Variants in IL1RAPL2 observed in about 807,000 individuals in gnomAD.
IL1RAPL2 encodes the protein X-linked interleukin-1 receptor accessory protein-like 2.
A neutral mutation model predicts 44.1 loss-of-function variants in IL1RAPL2; 3 were observed. The observed-to-expected ratio is 0.07, with a 90% CI of 0.03 to 0.18. IL1RAPL2 has a LOEUF of 0.18. Among genes scored for constraint, IL1RAPL2 ranks in the 10% least tolerant of loss-of-function variants. IL1RAPL2 has a pLI of 1.00. For synonymous variants in IL1RAPL2, 181 were observed against 178.8 expected (o/e 1.01, Z -0.10); for missense variants, 391 against 496.4 (o/e 0.79, Z 2.02).
At chrX:105,196,039 T>C (rs1017445026) in intron 3 of IL1RAPL2, among the ~76,000 whole-genome samples, 5 of 111,525 alleles carry the variant, frequency 4.5e-5, no homozygotes, top group African/African-American at 1.6e-4. Flanking sequence ...CCCAGCACTT[T>C]GGGAGGCTGA....
Position 104,667,595 on chromosome X carries a change from C to A in IL1RAPL2, c.82+8600C>A, listed in dbSNP as rs368847789. Among the ~76,000 whole-genome samples the A allele has an allele frequency of 2.7e-5, 3 of 111,476 alleles. No individual in the cohort carries two copies. The East Asian group carries it at 8.5e-4, about 32-fold the overall frequency. ...TTACATAGCTAGTAATTGGCAAAGC[C>A]AGGATTTAAACCCAGATTTGTCTGA... On this transcript the variant is annotated intron_variant, in intron 2 of 10. Coordinates refer to ENST00000372582, the MANE Select transcript of IL1RAPL2 (RefSeq NM_017416.2).
chrX:105,430,993 G>A (rs1002318627), intron 5 of IL1RAPL2, among the ~76,000 whole-genome samples: 1 of 111,905 alleles, frequency 8.9e-6, no homozygotes, highest in African/African-American at 3.2e-5. Context: ...GCATGCTACC[G>A]ACTCTGCAAA....
chrX:105,748,870 ATGTTAG>A, intron 8 of IL1RAPL2, 84 bp from the exon 9 acceptor site: 1 of 898,714 alleles, frequency 1.1e-6, no homozygotes, highest in Non-Finnish European at 1.5e-6. Flanking sequence ...GGAAAACAGA[ATGTTAG>A]TACATCTTAT....
At chrX:105,361,926 A>G (rs2035250922) in intron 5 of IL1RAPL2, among the ~76,000 whole-genome samples, 1 of 111,715 alleles carries the variant, frequency 9.0e-6, no homozygotes, top group South Asian at 3.7e-4. Context: ...ATATTCTGGA[A>G]TAGGATCTGT....
At chrX:105,287,334 C>G (rs2034579451) in intron 5 of IL1RAPL2, among the ~76,000 whole-genome samples, 1 of 111,106 alleles carries the variant, frequency 9.0e-6, no homozygotes, top group African/African-American at 3.3e-5. Flanking sequence ...TGGTGAATAC[C>G]AGGAGCTAAA....
chrX:105,216,516 T>C (rs2147622572), intron 3 of IL1RAPL2, among the ~76,000 whole-genome samples: 1 of 111,045 alleles, frequency 9.0e-6, no homozygotes, highest in South Asian at 3.9e-4. Flanking sequence ...AAAGTGGCCA[T>C]ACTGCCCAAA....
At chrX:105,089,808 C>T (rs1425552507) in intron 2 of IL1RAPL2, among the ~76,000 whole-genome samples, 2 of 111,479 alleles carry the variant, frequency 1.8e-5, no homozygotes, top group Non-Finnish European at 3.8e-5. Context: ...GTCTAAGGTC[C>T]CACAGTGAAT....
intron 1 of IL1RAPL2, among the ~76,000 whole-genome samples, chrX:104,578,938 T>A (rs1365568887): frequency 8.9e-6 from 1 of 111,765 alleles, no homozygotes; most frequent in Non-Finnish European, 1.9e-5. Flanking sequence ...ATAGCTATAT[T>A]TGAATAATTG....
At chrX:104,904,567 C>T (rs1313267048) in intron 2 of IL1RAPL2, among the ~76,000 whole-genome samples, 1 of 105,965 alleles carries the variant, frequency 9.4e-6, no homozygotes, top group Non-Finnish European at 1.9e-5. Flanking sequence ...GTTTTTTGTT[C>T]TTGTGATAGT....
intron 2 of IL1RAPL2, among the ~76,000 whole-genome samples, chrX:105,190,603 C>A (rs1556136533): frequency 9.0e-6 from 1 of 111,401 alleles, no homozygotes; most frequent in African/African-American, 3.3e-5. Context: ...CACATGCTTG[C>A]ATATTTTCTC....
At chrX:104,907,143 G>A (rs1474538610) in intron 2 of IL1RAPL2, among the ~76,000 whole-genome samples, 1 of 111,055 alleles carries the variant, frequency 9.0e-6, no homozygotes, top group Non-Finnish European at 1.9e-5. Flanking sequence ...GGGATCAGTG[G>A]TGATATCCCC....
intron 2 of IL1RAPL2, among the ~76,000 whole-genome samples, chrX:104,949,479 C>G (rs1466906083): frequency 9.5e-6 from 1 of 105,350 alleles, no homozygotes; most frequent in Non-Finnish European, 2.0e-5. Context: ...TGTGTTTGCT[C>G]TTGCTTTTCT....
At chrX:104,687,939 A>G (rs1207472171) in intron 2 of IL1RAPL2, among the ~76,000 whole-genome samples, 1 of 111,495 alleles carries the variant, frequency 9.0e-6, no homozygotes, top group Non-Finnish European at 1.9e-5. Context: ...TAACAAAGAA[A>G]CAACAAAAAA....
intron 4 of IL1RAPL2, among the ~76,000 whole-genome samples, chrX:105,251,580 G>GT (rs111843969): frequency 0.022 from 2,227 of 99,649 alleles, 51 homozygotes; most frequent in African/African-American, 0.071. Flanking sequence ...AAGTGGGGAG[G>GT]TTTTTTTTTT....
intron 5 of IL1RAPL2, among the ~76,000 whole-genome samples, chrX:105,284,266 C>T (rs971928241): frequency 8.9e-6 from 1 of 112,191 alleles, no homozygotes; most frequent in Non-Finnish European, 1.9e-5. Context: ...TTCCCCATTC[C>T]ATTTCCACAC....
At chrX:105,444,679 T>G (rs1213829318) in intron 5 of IL1RAPL2, among the ~76,000 whole-genome samples, 1 of 111,262 alleles carries the variant, frequency 9.0e-6, no homozygotes, top group Non-Finnish European at 1.9e-5. Context: ...AGGATACAAG[T>G]GCAGAATGTG....
intron 2 of IL1RAPL2, among the ~76,000 whole-genome samples, chrX:104,989,386 T>C (rs2030618956): frequency 8.9e-6 from 1 of 111,981 alleles, no homozygotes; most frequent in Admixed American, 9.5e-5. Flanking sequence ...GCATGGTTTG[T>C]ACCTGCTGCT....
At chrX:105,056,411 G>A (rs1224760483) in intron 2 of IL1RAPL2, among the ~76,000 whole-genome samples, 1 of 111,749 alleles carries the variant, frequency 8.9e-6, no homozygotes, top group African/African-American at 3.3e-5. Flanking sequence ...CCAAAAATAT[G>A]TTTTGTCATT....
chrX:105,116,782 G>T (rs1207552639), intron 2 of IL1RAPL2, among the ~76,000 whole-genome samples: 3 of 112,527 alleles, frequency 2.7e-5, no homozygotes, highest in African/African-American at 9.7e-5. Context: ...AATTAGACTT[G>T]TAGAGACAAG....
Sources: allele counts gnomAD v4.1 joint callset (sites outside exome capture counted in the v4.1 genomes callset), GRCh38; gene constraint gnomAD v4.1.1; transcripts MANE v1.5; gene names NCBI Gene and HGNC (gene_info 2026-07-23, HGNC 2026-07-21).